Variants in KCNMB2 observed in about 807,000 individuals in gnomAD.
The protein encoded by KCNMB2 is calcium-activated potassium channel subunit beta-2.
Under a neutral mutation model 24.5 loss-of-function variants are expected in KCNMB2, and 9 were observed. The observed-to-expected ratio is 0.37, with a 90% CI of 0.22 to 0.64. KCNMB2 has a LOEUF of 0.64. Ranked by LOEUF, KCNMB2 falls within the 30% of genes least tolerant of loss-of-function variation. The pLI is 0.63. For synonymous variants in KCNMB2, 109 were observed against 104.4 expected (o/e 1.04, Z -0.27); for missense variants, 226 against 284.3 (o/e 0.79, Z 1.47).
At chr3:178,760,310 C>CTA (rs796328224) in intron 1 of KCNMB2, among the ~76,000 whole-genome samples, 1 of 81,206 alleles carries the variant, frequency 1.2e-5, no homozygotes, top group African/African-American at 3.9e-5. Flanking sequence ...GAGGATATAT[C>CTA]TATATATAGA....
intron 1 of KCNMB2, among the ~76,000 whole-genome samples, chr3:178,787,126 TA>T (rs59899398): frequency 0.11 from 16,803 of 152,182 alleles, 1,027 homozygotes; most frequent in Non-Finnish European, 0.13. Flanking sequence ...CCTTTCTCCA[TA>T]AAAAATTAAA....
chr3:178,651,246 T>C (rs1720108332), intron 1 of KCNMB2, among the ~76,000 whole-genome samples: 1 of 152,086 alleles, frequency 6.6e-6, no homozygotes, highest in African/African-American at 2.4e-5. Context: ...GGATACAAAA[T>C]CAATGTGCAA....
At chr3:178,742,671 G>A (rs976911851) in intron 1 of KCNMB2, among the ~76,000 whole-genome samples, 3 of 152,196 alleles carry the variant, frequency 2.0e-5, no homozygotes, top group East Asian at 1.9e-4. Flanking sequence ...GGCAGTCATC[G>A]GAGACCCCTT....
intron 1 of KCNMB2, among the ~76,000 whole-genome samples, chr3:178,662,817 G>A (rs1287878698): frequency 6.6e-6 from 1 of 151,858 alleles, no homozygotes; most frequent in African/African-American, 2.4e-5. Flanking sequence ...TTATCTCACT[G>A]TCTTCACAGC....
chr3:178,758,350 A>G (rs1269561793), intron 1 of KCNMB2, among the ~76,000 whole-genome samples: 1 of 17,926 alleles, frequency 5.6e-5, no homozygotes, highest in Non-Finnish European at 7.9e-5. Context: ...GAGGGGATAT[A>G]TATATATATA....
chr3:178,704,617 T>G (rs982966150), intron 1 of KCNMB2, among the ~76,000 whole-genome samples: 3 of 152,154 alleles, frequency 2.0e-5, no homozygotes. Flanking sequence ...TATCTTCCCT[T>G]CACAAAGATG....
At chr3:178,787,830 G>A (rs1462059247) in intron 1 of KCNMB2, among the ~76,000 whole-genome samples, 4 of 152,096 alleles carry the variant, frequency 2.6e-5, no homozygotes, top group Non-Finnish European at 5.9e-5. Flanking sequence ...CAAAACCAAT[G>A]AGAGAACGTT....
At chr3:178,578,708 AAGAAGCAG>A (rs1717086379) in intron 1 of KCNMB2, among the ~76,000 whole-genome samples, 2 of 152,240 alleles carry the variant, frequency 1.3e-5, no homozygotes, top group Admixed American at 1.3e-4. Flanking sequence ...GGAAAGCAAA[AAGAAGCAG>A]AGTTTGCAAT....
At chr3:178,760,737 T>C (rs924256181) in intron 1 of KCNMB2, among the ~76,000 whole-genome samples, 1 of 151,754 alleles carries the variant, frequency 6.6e-6, no homozygotes, top group African/African-American at 2.4e-5. Flanking sequence ...GGCTTTGAAA[T>C]TGTCCCAAAC....
chr3:178,698,696 A>G (rs1721972996), intron 1 of KCNMB2, among the ~76,000 whole-genome samples: 1 of 152,196 alleles, frequency 6.6e-6, no homozygotes, highest in Admixed American at 6.5e-5. Context: ...AGCACTCTGC[A>G]TTTTTTAGTT....
chr3:178,593,564 A>C (rs1235927541), intron 1 of KCNMB2, among the ~76,000 whole-genome samples: 4 of 152,156 alleles, frequency 2.6e-5, no homozygotes, highest in Admixed American at 2.6e-4. Flanking sequence ...TCTGAAAACT[A>C]ACTGGTGACA....
At chr3:178,655,112 CT>C (rs1560150635) in intron 1 of KCNMB2, among the ~76,000 whole-genome samples, 9 of 148,352 alleles carry the variant, frequency 6.1e-5, no homozygotes, top group African/African-American at 2.3e-4. Flanking sequence ...CTCTCTCTCT[CT>C]CTCTCTCTCT....
intron 1 of KCNMB2, among the ~76,000 whole-genome samples, chr3:178,719,127 C>G (rs1015770167): frequency 6.6e-6 from 1 of 152,220 alleles, no homozygotes; most frequent in African/African-American, 2.4e-5. Context: ...CATTTTACAG[C>G]TTAGCCCAGC....
At chr3:178,580,050 G>T (rs1717140824) in intron 1 of KCNMB2, among the ~76,000 whole-genome samples, 2 of 152,048 alleles carry the variant, frequency 1.3e-5, no homozygotes, top group African/African-American at 4.8e-5. Flanking sequence ...ACAAAAACCT[G>T]GCAGACACAA....
At chr3:178,552,872 C>T (rs558354504) in intron 1 of KCNMB2, among the ~76,000 whole-genome samples, 29 of 152,258 alleles carry the variant, frequency 1.9e-4, no homozygotes, top group Non-Finnish European at 3.5e-4. Flanking sequence ...CTGACAGCCC[C>T]CATAATGATG....
intron 4 of KCNMB2, among the ~76,000 whole-genome samples, chr3:178,830,756 T>G (rs1416830484): frequency 6.6e-6 from 1 of 152,158 alleles, no homozygotes; most frequent in Admixed American, 6.5e-5. Flanking sequence ...TCCGTGCAAG[T>G]TGTTTGCCCA....
intron 1 of KCNMB2, among the ~76,000 whole-genome samples, chr3:178,758,235 C>T (rs1175515981): frequency 3.8e-4 from 3 of 7,880 alleles, no homozygotes; most frequent in African/African-American, 5.9e-4. Flanking sequence ...TATATATATC[C>T]AAGGGGATAT....
chr3:178,688,377 G>A (rs1721542979), intron 1 of KCNMB2, among the ~76,000 whole-genome samples: 2 of 152,070 alleles, frequency 1.3e-5, no homozygotes, highest in South Asian at 4.2e-4. Flanking sequence ...TTAATGATAT[G>A]ATACCTCAGG....
At chr3:178,718,361 T>C (rs112945694) in intron 1 of KCNMB2, among the ~76,000 whole-genome samples, 2,132 of 152,304 alleles carry the variant, frequency 0.014, 54 homozygotes, top group African/African-American at 0.048. Context: ...CCCTGAGTTT[T>C]TTTCTGTCTG....
Sources: gnomAD v4.1 joint callset for allele counts (sites outside exome capture counted in the v4.1 genomes callset) on GRCh38, gnomAD v4.1.1 for gene constraint, MANE v1.5 for transcripts, NCBI Gene and HGNC (gene_info 2026-07-23, HGNC 2026-07-21) for gene names.